The following WWP2 variants were observed in gnomAD, a reference collection of about 807,000 sequenced individuals.
WWP2 encodes the protein WW domain containing E3 ubiquitin protein ligase 2.
In WWP2, 57 loss-of-function variants were observed where a neutral mutation model predicts 121.0. That is an observed-to-expected ratio of 0.47 (90% CI 0.38 to 0.59). The LOEUF (loss-of-function observed/expected upper bound fraction) is 0.59. Ranked by LOEUF, WWP2 falls within the 20% of genes least tolerant of loss-of-function variation. The pLI, the probability that WWP2 is intolerant of heterozygous loss-of-function variation, is 0.00. For synonymous variants in WWP2, 449 were observed against 441.3 expected, an observed-to-expected ratio of 1.02 and a Z score of -0.22; for missense variants, 962 against 1,158.9, an observed-to-expected ratio of 0.83 and a Z score of 2.47.
At chr16:69,933,241 C>T in intron 16 of WWP2, 1 of 427,712 alleles carries the variant, frequency 2.3e-6, no homozygotes. Context: ...TGGGGACTGG[C>T]CCCCTTGGGA....
chr16:69,792,516 C>A (rs1423722352), intron 2 of WWP2, among the ~76,000 whole-genome samples: 1 of 152,038 alleles, frequency 6.6e-6, no homozygotes, highest in African/African-American at 2.4e-5. Context: ...TTATTTTAGC[C>A]TGTCTTTTAA....
chr16:69,927,884 ACTCCTGGG>A (rs2058662184), intron 11 of WWP2, among the ~76,000 whole-genome samples: 1 of 152,050 alleles, frequency 6.6e-6, no homozygotes, highest in South Asian at 2.1e-4. Context: ...CTGGTCTCGA[ACTCCTGGG>A]CTCGAGCGAT....
chr16:69,919,387 G>A (rs540464766), intron 10 of WWP2, among the ~76,000 whole-genome samples: 172 of 152,162 alleles, frequency 1.1e-3, no homozygotes, highest in South Asian at 3.1e-3. Flanking sequence ...GGCTGGTCTC[G>A]AACTCCTGAC....
At chr16:69,785,460 A>C in intron 1 of WWP2, among the ~76,000 whole-genome samples, 1 of 152,180 alleles carries the variant, frequency 6.6e-6, no homozygotes. Context: ...GAAATGTGTC[A>C]ACATTTGGAA....
intron 4 of WWP2, among the ~76,000 whole-genome samples, chr16:69,835,847 G>A (rs2056867593): frequency 2.0e-5 from 3 of 148,844 alleles, no homozygotes; most frequent in African/African-American, 7.5e-5. Context: ...CTGTTGCCCA[G>A]GCTGGAATGT....
At chr16:69,770,137 C>T (rs1217134713) in intron 1 of WWP2, among the ~76,000 whole-genome samples, 1 of 152,178 alleles carries the variant, frequency 6.6e-6, no homozygotes, top group Non-Finnish European at 1.5e-5. Flanking sequence ...GCTGAGATTA[C>T]AGGTGTGAGC....
chr16:69,799,354 A>G lies in WWP2; in HGVS notation c.340+59A>G. The G allele has an allele frequency of 1.3e-6, 2 of 1,583,656 alleles. No individual in the cohort carries two copies. Among genetic ancestry groups the G allele is most frequent in the East Asian group, 2.2e-5 (1 of 44,476 alleles). On this transcript the variant is annotated intron_variant, in intron 4 of 23. Transcript: ENST00000359154. This position sits in a 1 kb window ranked among gnomAD's most constrained non-coding sequence, Gnocchi z 4.5. ...TTGGGTGGGGATGGGAGGACCTGGC[A>G]GATCAACCTGGTATTGCAATTTCCC...
chr16:69,931,376 G>A (rs1487323008), intron 14 of WWP2, 133 bp from the exon 15 acceptor site: 4 of 1,461,578 alleles, frequency 2.7e-6, no homozygotes, highest in Admixed American at 3.9e-5. Flanking sequence ...TCTCTAGGAA[G>A]CTAGTTTTCA....
intron 2 of WWP2, among the ~76,000 whole-genome samples, chr16:69,790,823 G>A (rs1007857786): frequency 5.3e-5 from 8 of 152,108 alleles, no homozygotes; most frequent in Admixed American, 3.3e-4. Flanking sequence ...TGATCCGCCT[G>A]CCTCAGCCCC....
chr16:69,866,325 C>T (rs1056912472), intron 6 of WWP2, among the ~76,000 whole-genome samples: 4 of 147,288 alleles, frequency 2.7e-5, no homozygotes, highest in African/African-American at 5.0e-5. Context: ...TTTATGGAGA[C>T]GGAGTCTTCC....
At chr16:69,767,567 T>A (rs1429285851) in intron 1 of WWP2, among the ~76,000 whole-genome samples, 1 of 152,152 alleles carries the variant, frequency 6.6e-6, no homozygotes, top group Non-Finnish European at 1.5e-5. Flanking sequence ...AAAGGCAGAT[T>A]TATTAAAGTG....
chr16:69,915,445 G>T (rs2058464991), intron 9 of WWP2, among the ~76,000 whole-genome samples: 2 of 152,184 alleles, frequency 1.3e-5, no homozygotes, highest in African/African-American at 4.8e-5. Context: ...AGGCTTGGTG[G>T]TGCACACCTG....
At chr16:69,923,239 GT>G (rs1215341044) in intron 10 of WWP2, among the ~76,000 whole-genome samples, 1 of 132,372 alleles carries the variant, frequency 7.6e-6, no homozygotes, top group Non-Finnish European at 1.5e-5. Flanking sequence ...TGTTGTTTGT[GT>G]TTATCAGTCT....
chr16:69,810,266 C>T (rs142855973), intron 4 of WWP2, among the ~76,000 whole-genome samples: 2 of 151,566 alleles, frequency 1.3e-5, no homozygotes, highest in African/African-American at 4.8e-5. Context: ...CCCGCAGTGG[C>T]GGATGGTCAA....
Position 69,939,868 on chromosome 16 carries a change from C to T in WWP2, c.2541C>T (p.Tyr847=), listed in dbSNP as rs556525256. ...TCFNRLDLPP[Y]KSYEQLREKL... is the part of the protein sequence containing the mutation. ...TCAACCGTCTGGATCTTCCACCCTACAAGAGCTACGAACAGCTGAGAGAGA... is the reference window on the plus strand; with the variant it reads ...TCAACCGTCTGGATCTTCCACCCTATAAGAGCTACGAACAGCTGAGAGAGA... The change falls in exon 24 of 24, where the codon TAC becomes TAT. Residue 847 remains tyrosine, a synonymous_variant. Transcript: ENST00000359154. 99 of 1,613,998 alleles carry T rather than the reference C, an allele frequency of 6.1e-5. 1 individual carries two copies. The South Asian group carries it at 9.9e-4, about 16-fold the overall frequency.
chr16:69,829,848 A>G (rs2056763257), intron 4 of WWP2, among the ~76,000 whole-genome samples: 1 of 152,148 alleles, frequency 6.6e-6, no homozygotes, highest in Non-Finnish European at 1.5e-5. Flanking sequence ...TGTCTGGAAG[A>G]TAGTGGGCAC....
chr16:69,831,978 A>G (rs1421795612), intron 4 of WWP2, among the ~76,000 whole-genome samples: 1 of 152,020 alleles, frequency 6.6e-6, no homozygotes, highest in Non-Finnish European at 1.5e-5. Flanking sequence ...ATAGGCAGGT[A>G]CCACCACGCC....
chr16:69,906,781 G>A (rs2058301296), intron 8 of WWP2, among the ~76,000 whole-genome samples: 1 of 152,168 alleles, frequency 6.6e-6, no homozygotes, highest in African/African-American at 2.4e-5. Context: ...TTGGGAGGCT[G>A]AGGCAGGGGT....
chr16:69,897,887 G>A (rs1346718160), intron 8 of WWP2, among the ~76,000 whole-genome samples: 3 of 151,714 alleles, frequency 2.0e-5, no homozygotes, highest in East Asian at 1.9e-4. Flanking sequence ...TAGCCTGGGC[G>A]ACAGAGTGAG....
Sources: allele counts gnomAD v4.1 joint callset (sites outside exome capture counted in the v4.1 genomes callset), GRCh38; gene constraint gnomAD v4.1.1; non-coding constraint Gnocchi (gnomAD v3.1); transcripts MANE v1.5; gene names NCBI Gene and HGNC (gene_info 2026-07-23, HGNC 2026-07-21).